Variants in MCF2L2 observed in about 807,000 individuals in gnomAD.
MCF2L2 encodes the protein MCF.2 cell line derived transforming sequence-like 2.
In MCF2L2, 102 loss-of-function variants were observed where a neutral mutation model predicts 150.2. The observed-to-expected ratio is 0.68, with a 90% confidence interval of 0.58 to 0.80. MCF2L2 has a LOEUF of 0.80. Among genes scored for constraint, MCF2L2 ranks in the 30% least tolerant of loss-of-function variants. The pLI, the probability that MCF2L2 is intolerant of heterozygous loss-of-function variation, is 0.00. For missense variants in MCF2L2, 1,256 were observed against 1,372.8 expected (o/e 0.91, Z 1.34); for synonymous variants, 465 against 491.3 (o/e 0.95, Z 0.71).
intron 27 of MCF2L2, among the ~76,000 whole-genome samples, chr3:183,185,099 C>T (rs11708191): frequency 0.25 from 37,541 of 152,002 alleles, 5,962 homozygotes; most frequent in African/African-American, 0.42. Flanking sequence ...TTTGTAATAT[C>T]AGTAGAGACA....
At chr3:183,310,847 G>A (rs1729340829) in intron 9 of MCF2L2, 68 bp downstream of exon 9, 1 of 1,015,926 alleles carries the variant, frequency 9.8e-7, no homozygotes, top group Non-Finnish European at 1.5e-6. Flanking sequence ...ACCAAAGAGT[G>A]AGGAGGGAGA....
At chr3:183,327,218 G>C (rs1730082612) in intron 5 of MCF2L2, among the ~76,000 whole-genome samples, 1 of 152,076 alleles carries the variant, frequency 6.6e-6, no homozygotes, top group African/African-American at 2.4e-5. Flanking sequence ...CCAGCTACTT[G>C]GGAGGCTGAG....
chr3:183,324,540 G>C (rs1239512920), intron 5 of MCF2L2, among the ~76,000 whole-genome samples: 4 of 152,110 alleles, frequency 2.6e-5, no homozygotes, highest in Non-Finnish European at 5.9e-5. Flanking sequence ...TAAAGTATTA[G>C]TCAAGGAATG....
chr3:183,302,519 G>A (rs185600642), intron 10 of MCF2L2, among the ~76,000 whole-genome samples: 1 of 152,228 alleles, frequency 6.6e-6, no homozygotes, highest in East Asian at 1.9e-4. Flanking sequence ...TTCCATAGCC[G>A]GGGTGAGAGG....
chr3:183,392,851 A>T (rs1714238177), intron 1 of MCF2L2, among the ~76,000 whole-genome samples: 2 of 151,890 alleles, frequency 1.3e-5, no homozygotes, highest in Admixed American at 1.3e-4. Context: ...CCTGCCTCCC[A>T]CTCCTGTATA....
chr3:183,215,644 T>C (rs537075607), intron 22 of MCF2L2, among the ~76,000 whole-genome samples: 114 of 152,364 alleles, frequency 7.5e-4, no homozygotes, highest in Admixed American at 1.8e-3. Flanking sequence ...ACTATTTTAA[T>C]AGTGCCATGA....
chr3:183,216,302 CCTCTGT>C (rs1190263996), intron 21 of MCF2L2, among the ~76,000 whole-genome samples: 1 of 150,894 alleles, frequency 6.6e-6, no homozygotes, highest in Non-Finnish European at 1.5e-5. Context: ...AAATCATCTA[CCTCTGT>C]GCATTGTACT....
intron 3 of MCF2L2, among the ~76,000 whole-genome samples, chr3:183,371,161 C>T (rs1712851081): frequency 6.6e-6 from 1 of 152,194 alleles, no homozygotes. Context: ...ACAGTATTTT[C>T]CATTGCCTTC....
intron 1 of MCF2L2, among the ~76,000 whole-genome samples, chr3:183,402,843 T>C (rs1336864648): frequency 6.7e-6 from 1 of 149,650 alleles, no homozygotes; most frequent in East Asian, 1.9e-4. Context: ...GGAAACTGAG[T>C]CTCGCCTCAT....
chr3:183,370,155 G>A (rs1712779672), intron 3 of MCF2L2, among the ~76,000 whole-genome samples: 1 of 152,248 alleles, frequency 6.6e-6, no homozygotes, highest in Non-Finnish European at 1.5e-5. Flanking sequence ...TGAAAGCCAA[G>A]CTACAAGTTA....
In MCF2L2 at chr3:183,344,637, G is replaced by T. The variant is rs1730829199; in HGVS notation, c.276-3007C>A. Among the ~76,000 whole-genome samples, 5 of 152,092 alleles carry T rather than the reference G, an allele frequency of 3.3e-5. No homozygotes were observed. In the South Asian group the frequency reaches 1.0e-3, roughly 32 times the overall value. ...ATTAAAAGACACAGACTGGCAAATT[G>T]GATAAAGAGCCAAGACCCATTGGTG... On this transcript the variant is annotated intron_variant, in intron 3 of 29. Coordinates refer to ENST00000328913, the MANE Select transcript of MCF2L2 (RefSeq NM_015078.4).
chr3:183,229,797 C>A lies in MCF2L2; in HGVS notation c.1930-16G>T. The stretch of plus-strand genomic sequence containing the variant: ...TGATATATCCCTGCAGAGGTGCAAA[C>A]AAGGTAGGTGTTACAAACAGGAACA... On this transcript the variant is annotated splice_polypyrimidine_tract_variant and intron_variant, in intron 16 of 29. Transcript: ENST00000328913. The A allele has an allele frequency of 8.5e-7, 1 of 1,177,338 alleles. No homozygotes were observed. The highest frequency in any genetic ancestry group is 1.3e-6 in the Non-Finnish European group (1 of 798,496). 72.9% of individuals were successfully genotyped at this position (1,177,338 alleles called of 1,614,324 possible).
intron 3 of MCF2L2, among the ~76,000 whole-genome samples, chr3:183,354,979 AG>A (rs1261577756): frequency 1.1e-4 from 16 of 152,128 alleles, no homozygotes; most frequent in Admixed American, 6.5e-5. Flanking sequence ...GCATGTTTCC[AG>A]GTCTTTGTAC....
At position 183,300,681 on chromosome 3, in the gene MCF2L2, T is replaced by C. The variant is rs1292344367; in HGVS notation, c.1114-485A>G. ...GCTGAAGTTGAAACACTGGTGAAAA[T>C]TGGATTTGGACAACTCAAAGGTGGT... is the stretch of plus-strand genomic sequence containing the variant. On this transcript the variant is annotated intron_variant, in intron 10 of 29. Coordinates refer to ENST00000328913, the MANE Select transcript of MCF2L2 (RefSeq NM_015078.4). Among the ~76,000 whole-genome samples, 6 of 151,898 alleles carry C rather than the reference T, an allele frequency of 4.0e-5. 1 individual carries two copies. The highest frequency in any genetic ancestry group is 1.9e-4 in the East Asian group (1 of 5,192).
chr3:183,267,682 T>A lies in MCF2L2; in HGVS notation c.1862+9190A>T, dbSNP rs1726293074. Among the ~76,000 whole-genome samples the A allele has an allele frequency of 6.6e-6, 1 of 152,186 alleles. No homozygotes were observed. Among genetic ancestry groups the A allele is most frequent in the Admixed American group, 6.5e-5 (1 of 15,282 alleles). On this transcript the variant is annotated intron_variant, in intron 15 of 29. Transcript: ENST00000328913. This position sits in a 1 kb window ranked among gnomAD's most constrained non-coding sequence, Gnocchi z 5.5. ...ACCCCCGAGGAAGAGAGCCTACCTT[T>A]CCATCCAAGGAAGTGTTTTACCTGT...
chr3:183,342,620 ATGTGTGTGTGTGTGTGTGTGTG>A lies in MCF2L2; in HGVS notation c.276-1012_276-991del, dbSNP rs57683720. ...CCTATGAGGTTGATGTGAAGATTAA[ATGTGTGTGTGTGTGTGTGTGTG>A]TGTGTGTGTGTGTGTGTGTGTGTGT... is the stretch of plus-strand genomic sequence containing the variant. On this transcript the variant is annotated intron_variant, in intron 3 of 29. Coordinates refer to ENST00000328913, the MANE Select transcript of MCF2L2 (RefSeq NM_015078.4). 2.2e-3 allele frequency among the ~76,000 whole-genome samples: 320 copies of A among 142,984 alleles called. 1 individual carries two copies. The highest frequency in any genetic ancestry group is 7.3e-3 in the African/African-American group (288 of 39,544). 93.8% of individuals were successfully genotyped at this position (142,984 alleles called of 152,430 possible). A position where few individuals can be genotyped will look rare whatever the true frequency, so the allele number is the denominator to read the frequency against.
At chr3:183,215,338 G>A (rs987052389) in intron 22 of MCF2L2, among the ~76,000 whole-genome samples, 3 of 151,230 alleles carry the variant, frequency 2.0e-5, no homozygotes, top group African/African-American at 4.8e-5. Flanking sequence ...AAAACAAGTC[G>A]AATATTAACT....
At chr3:183,180,309 T>C in intron 27 of MCF2L2, 150 bp from the exon 28 acceptor site, 1 of 602,196 alleles carries the variant, frequency 1.7e-6, no homozygotes, top group Non-Finnish European at 3.0e-6. Context: ...TGCGCTGGGC[T>C]GTGAGGGGGT....
chr3:183,240,885 T>C (rs1262849848), intron 15 of MCF2L2, among the ~76,000 whole-genome samples: 2 of 152,250 alleles, frequency 1.3e-5, no homozygotes, highest in African/African-American at 4.8e-5. Flanking sequence ...TCAGCTGAAA[T>C]CAGTACCACA....
Sources: gnomAD v4.1 joint callset for allele counts (sites outside exome capture counted in the v4.1 genomes callset) on GRCh38, gnomAD v4.1.1 for gene constraint, Gnocchi (gnomAD v3.1) non-coding constraint, MANE v1.5 for transcripts, NCBI Gene and HGNC (gene_info 2026-07-23, HGNC 2026-07-21) for gene names.